Variants in BMAL1 observed in about 807,000 individuals in gnomAD.
BMAL1 encodes the protein basic helix-loop-helix ARNT like 1, also known as basic helix-loop-helix ARNT-like protein 1.
At chr11:13,322,056 TG>T in the BMAL1 span, among the ~76,000 whole-genome samples, 6 of 152,184 alleles carry the variant, frequency 3.9e-5, no homozygotes, top group African/African-American at 7.2e-5. Context: ...GCGTTGGTGT[TG>T]GGCAGGCCTG....
the BMAL1 span, chr11:13,379,678 A>C: frequency 1.3e-5 from 2 of 152,264 alleles, no homozygotes; most frequent in Non-Finnish European, 2.9e-5. Flanking sequence ...AAGAGGAAAG[A>C]TTTGAACTTG....
the BMAL1 span, among the ~76,000 whole-genome samples, chr11:13,321,123 TACTC>T: frequency 6.6e-6 from 1 of 152,220 alleles, no homozygotes; most frequent in Non-Finnish European, 1.5e-5. Flanking sequence ...TGCCTTGAAA[TACTC>T]AGCCACTGAA....
At chr11:13,328,489 G>A in the BMAL1 span, among the ~76,000 whole-genome samples, 4 of 152,142 alleles carry the variant, frequency 2.6e-5, no homozygotes, top group Non-Finnish European at 5.9e-5. Flanking sequence ...ACATCCAGCA[G>A]CCGTAGGCAT....
chr11:13,289,517 T>C, the BMAL1 span, among the ~76,000 whole-genome samples: 8 of 152,224 alleles, frequency 5.3e-5, no homozygotes, highest in African/African-American at 1.2e-4. Flanking sequence ...TATCTCCTAA[T>C]GCTATCCCTC....
At chr11:13,335,823 A>G in the BMAL1 span, among the ~76,000 whole-genome samples, 37 of 152,260 alleles carry the variant, frequency 2.4e-4, no homozygotes, top group African/African-American at 4.8e-5. Context: ...ATATTGATTT[A>G]CATGTTGTCT....
At chr11:13,352,128 G>A in the BMAL1 span, among the ~76,000 whole-genome samples, 29 of 152,150 alleles carry the variant, frequency 1.9e-4, no homozygotes, top group African/African-American at 6.0e-4. Context: ...CTAAGTAGGA[G>A]CATCTAAGGA....
At chr11:13,354,359 C>T in the BMAL1 span, 4 of 1,613,866 alleles carry the variant, frequency 2.5e-6, no homozygotes, top group African/African-American at 2.7e-5. Flanking sequence ...ATTTCATGTC[C>T]CCGGGCCCCA....
the BMAL1 span, chr11:13,372,266 G>T: frequency 1.2e-6 from 2 of 1,614,182 alleles, no homozygotes; most frequent in Admixed American, 3.3e-5. Flanking sequence ...ACAATGAGGG[G>T]TGTAACCTCA....
chr11:13,327,236 A>AC, the BMAL1 span, among the ~76,000 whole-genome samples: 80,943 of 151,396 alleles, frequency 0.53, 22,195 homozygotes, highest in Non-Finnish European at 0.62. Flanking sequence ...TCTTTTATGA[A>AC]AAAAAAAAAT....
the BMAL1 span, among the ~76,000 whole-genome samples, chr11:13,364,659 G>T: frequency 6.6e-6 from 1 of 152,146 alleles, no homozygotes; most frequent in Admixed American, 6.5e-5. Flanking sequence ...CAGTGGGTGG[G>T]ATTCACACAG....
the BMAL1 span, among the ~76,000 whole-genome samples, chr11:13,365,952 C>G: frequency 6.6e-6 from 1 of 152,198 alleles, no homozygotes; most frequent in East Asian, 1.9e-4. Context: ...CCACTCCATA[C>G]TGTGTTTGCA....
chr11:13,283,897 C>G, the BMAL1 span, among the ~76,000 whole-genome samples: 1 of 151,876 alleles, frequency 6.6e-6, no homozygotes, highest in Admixed American at 6.6e-5. Context: ...CAGCTCCTCC[C>G]CAGGCAGCTC....
the BMAL1 span, among the ~76,000 whole-genome samples, chr11:13,327,264 A>G: frequency 4.3e-3 from 654 of 152,238 alleles, 13 homozygotes; most frequent in East Asian, 0.019. Context: ...AATAAAAATT[A>G]AATGAAATAA....
At chr11:13,326,573 A>G in the BMAL1 span, 1 of 152,316 alleles carries the variant, frequency 6.6e-6, no homozygotes, top group African/African-American at 2.4e-5. Flanking sequence ...ACTGCTTAGT[A>G]GTTAAGAGTA....
chr11:13,345,600 C>T, the BMAL1 span, among the ~76,000 whole-genome samples: 2 of 152,088 alleles, frequency 1.3e-5, no homozygotes, highest in Admixed American at 6.6e-5. Context: ...TTTTTGGAGG[C>T]AGGATTGGCA....
chr11:13,380,378 T>C, the BMAL1 span: 1 of 152,256 alleles, frequency 6.6e-6, no homozygotes, highest in Non-Finnish European at 1.5e-5. Flanking sequence ...TTCATCCATG[T>C]AGGAGCTGAG....
the BMAL1 span, among the ~76,000 whole-genome samples, chr11:13,327,353 C>T: frequency 6.6e-6 from 1 of 152,244 alleles, no homozygotes; most frequent in African/African-American, 2.4e-5. Flanking sequence ...TAGCTCATCG[C>T]AGATGCTGTT....
the BMAL1 span, among the ~76,000 whole-genome samples, chr11:13,299,045 G>A: frequency 6.6e-6 from 1 of 152,204 alleles, no homozygotes; most frequent in African/African-American, 2.4e-5. Context: ...GGCTGTGGGA[G>A]GTGGAAAGAG....
the BMAL1 span, among the ~76,000 whole-genome samples, chr11:13,288,275 A>G: frequency 4.3e-4 from 66 of 152,250 alleles, no homozygotes; most frequent in East Asian, 0.011. Context: ...GTGACAGCTG[A>G]TAAGTGGTAG....
Sources: allele counts gnomAD v4.1 joint callset (sites outside exome capture counted in the v4.1 genomes callset), GRCh38; gene constraint gnomAD v4.1.1; transcripts MANE v1.5; gene names NCBI Gene and HGNC (gene_info 2026-07-23, HGNC 2026-07-21).